The following JAZF1 variants were observed in gnomAD, a reference collection of about 807,000 sequenced individuals.
JAZF1 encodes the protein JAZF zinc finger 1.
Under a neutral mutation model 26.4 loss-of-function variants are expected in JAZF1, and 8 were observed. The ratio of observed to expected loss-of-function variants is 0.30; its 90% confidence interval spans 0.18 to 0.55. JAZF1 has a LOEUF of 0.55. Ranked by LOEUF, JAZF1 falls within the 20% of genes least tolerant of loss-of-function variation. The pLI is 0.94. For missense variants in JAZF1, 199 were observed against 322.0 expected, an observed-to-expected ratio of 0.62 and a Z score of 2.92; for synonymous variants, 126 against 122.3, an observed-to-expected ratio of 1.03 and a Z score of -0.20.
At chr7:28,096,216 A>G (rs1784382123) in intron 1 of JAZF1, among the ~76,000 whole-genome samples, 1 of 152,260 alleles carries the variant, frequency 6.6e-6, no homozygotes, top group African/African-American at 2.4e-5. Flanking sequence ...GGAGAAAACA[A>G]GAATGAAGGG....
chr7:28,050,702 GC>G (rs1263850641), intron 1 of JAZF1, among the ~76,000 whole-genome samples: 1 of 151,976 alleles, frequency 6.6e-6, no homozygotes, highest in Non-Finnish European at 1.5e-5. Flanking sequence ...AAAAGAATAT[GC>G]ATTCTCTTAT....
At chr7:27,917,344 C>CT (rs58327742) in intron 2 of JAZF1, among the ~76,000 whole-genome samples, 3,067 of 152,264 alleles carry the variant, frequency 0.02, 102 homozygotes, top group African/African-American at 0.069. Context: ...TGGCGTATTT[C>CT]TCCTCAGGTT....
At position 27,994,065 on chromosome 7, in the gene JAZF1, T is replaced by C. The variant is rs139416902; in HGVS notation, c.116-2084A>G. Reference sequence around the variant, plus strand: ...TCTAAAATGTTCTAAATATTACCTCTCCAGACTACCTTGATTTTTATTTTT... The same window carrying C: ...TCTAAAATGTTCTAAATATTACCTCCCCAGACTACCTTGATTTTTATTTTT... On this transcript the variant is annotated intron_variant, in intron 1 of 4. Transcript: ENST00000283928. Among the ~76,000 whole-genome samples the C allele has an allele frequency of 1.9e-3, 289 of 152,306 alleles. 4 individuals carry two copies. Among genetic ancestry groups the C allele is most frequent in the African/African-American group, 6.7e-3 (279 of 41,570 alleles).
At chr7:27,922,079 T>C (rs1428832419) in intron 2 of JAZF1, among the ~76,000 whole-genome samples, 1 of 152,222 alleles carries the variant, frequency 6.6e-6, no homozygotes, top group East Asian at 1.9e-4. Context: ...CAGGGCATTT[T>C]ATATTGTGTT....
At chr7:28,066,041 T>C (rs563529759) in intron 1 of JAZF1, among the ~76,000 whole-genome samples, 1 of 152,300 alleles carries the variant, frequency 6.6e-6, no homozygotes, top group South Asian at 2.1e-4. Flanking sequence ...ACTAGTGCTA[T>C]CTCTGTTTTT....
chr7:28,026,290 C>T (rs73683939), intron 1 of JAZF1, among the ~76,000 whole-genome samples: 2,777 of 152,288 alleles, frequency 0.018, 55 homozygotes, highest in African/African-American at 0.045. Context: ...CCAAATCATC[C>T]ACCCTAAACC....
At chr7:28,158,147 G>A (rs540853771) in intron 1 of JAZF1, among the ~76,000 whole-genome samples, 12 of 133,132 alleles carry the variant, frequency 9.0e-5, no homozygotes, top group East Asian at 3.8e-4. Flanking sequence ...GAAAACACGC[G>A]CGCACACACA....
intron 2 of JAZF1, among the ~76,000 whole-genome samples, chr7:27,958,323 G>A (rs1056742413): frequency 2.6e-5 from 4 of 152,186 alleles, no homozygotes; most frequent in Non-Finnish European, 1.5e-5. Flanking sequence ...TAGGTGAAAT[G>A]TTGTAAGGAA....
At chr7:28,114,211 GGC>G (rs1784705080) in intron 1 of JAZF1, among the ~76,000 whole-genome samples, 1 of 152,146 alleles carries the variant, frequency 6.6e-6, no homozygotes, top group Non-Finnish European at 1.5e-5. Flanking sequence ...CCTTGGAGCT[GGC>G]CATGCTCCAC....
In JAZF1 at chr7:27,864,499, G is replaced by A. The variant is rs527436660; in HGVS notation, c.386-23632C>T. Among the ~76,000 whole-genome samples the A allele has an allele frequency of 2.0e-4, 31 of 152,248 alleles. No homozygotes were observed. The South Asian group carries it at 6.2e-3, about 31-fold the overall frequency. The stretch of plus-strand genomic sequence containing the variant: ...CTCAGTTTGGAGTCAAAACCCATGG[G>A]TTTGCCCGGCTCAGAGCCTACTGCC... On this transcript the variant is annotated intron_variant, in intron 3 of 4. Coordinates refer to ENST00000283928, the MANE Select transcript of JAZF1 (RefSeq NM_175061.4).
intron 2 of JAZF1, among the ~76,000 whole-genome samples, chr7:27,905,306 A>T (rs1410089973): frequency 6.8e-6 from 1 of 146,976 alleles, no homozygotes; most frequent in Non-Finnish European, 1.5e-5. Flanking sequence ...ACATATATGG[A>T]AGGATATAGT....
intron 1 of JAZF1, among the ~76,000 whole-genome samples, chr7:28,025,225 A>G (rs879343615): frequency 2.0e-5 from 3 of 152,234 alleles, no homozygotes; most frequent in Non-Finnish European, 4.4e-5. Flanking sequence ...GCCACTTACC[A>G]ATGATAGTGT....
intron 1 of JAZF1, among the ~76,000 whole-genome samples, chr7:28,096,250 T>C (rs571361206): frequency 1.9e-4 from 29 of 152,298 alleles, no homozygotes; most frequent in Admixed American, 1.6e-3. Flanking sequence ...GTGGTTAGGG[T>C]TGTCCGAGAA....
At chr7:28,020,681 G>A (rs750845260) in intron 1 of JAZF1, 54 of 471,088 alleles carry the variant, frequency 1.1e-4, no homozygotes, top group Middle Eastern at 6.5e-4. Flanking sequence ...AGAAGTGAGC[G>A]AAGGAACTGC....
intron 3 of JAZF1, among the ~76,000 whole-genome samples, chr7:27,865,027 C>G (rs1010961935): frequency 4.6e-5 from 7 of 152,014 alleles, no homozygotes; most frequent in African/African-American, 1.7e-4. Flanking sequence ...TGGGGCATGA[C>G]GAGCATTTGA....
chr7:27,996,723 C>G (rs547074938), intron 1 of JAZF1, among the ~76,000 whole-genome samples: 81 of 152,274 alleles, frequency 5.3e-4, no homozygotes, highest in African/African-American at 1.0e-3. Flanking sequence ...GCTAGCACTG[C>G]AATTATGCCC....
chr7:27,927,710 AATATAAAAAAG>A (rs1371749205), intron 2 of JAZF1, among the ~76,000 whole-genome samples: 1 of 152,166 alleles, frequency 6.6e-6, no homozygotes, highest in Non-Finnish European at 1.5e-5. Flanking sequence ...GCAATATAAA[AATATAAAAAAG>A]AACTATGAAG....
At chr7:27,973,822 C>T (rs189316468) in intron 2 of JAZF1, among the ~76,000 whole-genome samples, 39 of 152,246 alleles carry the variant, frequency 2.6e-4, no homozygotes, top group African/African-American at 9.1e-4. Flanking sequence ...CTTTCTACAG[C>T]TCTAGTGATG....
chr7:27,897,885 G>A (rs1784098104), intron 2 of JAZF1, among the ~76,000 whole-genome samples: 2 of 152,266 alleles, frequency 1.3e-5, no homozygotes, highest in South Asian at 2.1e-4. Context: ...GTGGCCCACG[G>A]TCATCTGTGA....
Sources: gnomAD v4.1 joint callset for allele counts (sites outside exome capture counted in the v4.1 genomes callset) on GRCh38, gnomAD v4.1.1 for gene constraint, MANE v1.5 for transcripts, NCBI Gene and HGNC (gene_info 2026-07-23, HGNC 2026-07-21) for gene names.